Variants in UGT1A5 observed in about 807,000 individuals in gnomAD.
The protein encoded by UGT1A5 is UDP-glucuronosyltransferase 1A5.
Under a neutral mutation model 40.3 loss-of-function variants are expected in UGT1A5, and 29 were observed. That is an observed-to-expected ratio of 0.72 (90% confidence interval 0.54 to 0.98). The LOEUF (loss-of-function observed/expected upper bound fraction) is 0.98. Among genes scored for constraint, UGT1A5 ranks in the 50% least tolerant of loss-of-function variants. UGT1A5 has a pLI of 0.00. For synonymous variants in UGT1A5, 257 were observed against 262.5 expected (o/e 0.98, Z 0.20); for missense variants, 678 against 677.9 (o/e 1.00, Z 0.00).
At chr2:233,772,184 TA>T (rs2126065808) in intron 4 of UGT1A5, 77 bp from the exon 5 acceptor site, 1 of 1,591,636 alleles carries the variant, frequency 6.3e-7, no homozygotes, top group Admixed American at 1.8e-5. Context: ...GTAGTCTTCT[TA>T]AGCAGCCATG....
At chr2:233,770,172 C>T (rs1423898703) in intron 4 of UGT1A5, 4 of 152,218 alleles carry the variant, frequency 2.6e-5, no homozygotes, top group African/African-American at 9.7e-5. Flanking sequence ...TCAATGAGCT[C>T]AACTTATTAA....
At chr2:233,724,191 T>C (rs1269931641) in intron 1 of UGT1A5, among the ~76,000 whole-genome samples, 4 of 105,204 alleles carry the variant, frequency 3.8e-5, no homozygotes, top group South Asian at 3.6e-4. Flanking sequence ...CCGGACGGGG[T>C]GGCTGGCCGG....
intron 1 of UGT1A5, among the ~76,000 whole-genome samples, chr2:233,724,618 G>C (rs1325870277): frequency 7.3e-6 from 1 of 137,158 alleles, no homozygotes; most frequent in Non-Finnish European, 1.6e-5. Context: ...GGGCAGAGAC[G>C]CTCCTCACTT....
intron 1 of UGT1A5, chr2:233,718,649 C>A: frequency 6.7e-7 from 1 of 1,503,052 alleles, no homozygotes; most frequent in South Asian, 1.3e-5. Flanking sequence ...GGGCCCATAA[C>A]GAAAGGCAGT....
intron 1 of UGT1A5, among the ~76,000 whole-genome samples, chr2:233,719,879 C>A (rs573880021): frequency 1.3e-5 from 2 of 152,076 alleles, no homozygotes; most frequent in Non-Finnish European, 2.9e-5. Flanking sequence ...AGAAGAGGCA[C>A]GGATGAGGGT....
At chr2:233,729,454 T>C (rs758737792) in intron 1 of UGT1A5, 3 of 1,614,042 alleles carry the variant, frequency 1.9e-6, no homozygotes, top group Non-Finnish European at 2.5e-6. Flanking sequence ...TCTGAAGAAA[T>C]TTTTCAGAAG....
intron 1 of UGT1A5, chr2:233,719,293 G>A (rs149433426): frequency 1.9e-6 from 3 of 1,613,970 alleles, no homozygotes; most frequent in Middle Eastern, 1.7e-4. Context: ...AACCTCTGTG[G>A]GGCGGTGCTG....
chr2:233,724,896 C>T lies in UGT1A5; in HGVS notation c.867+11038C>T, dbSNP rs1575557571. 1.5e-5 allele frequency among the ~76,000 whole-genome samples: 2 copies of T among 137,598 alleles called. 1 individual carries two copies. The highest frequency in any genetic ancestry group is 4.4e-4 in the East Asian group (2 of 4,596). The allele number at this position is 137,598 out of a possible 152,430, so 90.3% of individuals were successfully genotyped here. A position where few individuals can be genotyped will look rare whatever the true frequency, so the allele number is the denominator to read the frequency against. On this transcript the variant is annotated intron_variant, in intron 1 of 4. Coordinates refer to ENST00000373414, the MANE Select transcript of UGT1A5 (RefSeq NM_019078.2). ...GAGCGGAGATCACGCCACTGCACTC[C>T]AGCCTGGGCACCATTGAGCACTGAG...
intron 1 of UGT1A5, chr2:233,756,150 C>G (rs1696134000): frequency 6.6e-6 from 1 of 152,108 alleles, no homozygotes; most frequent in Non-Finnish European, 1.5e-5. Flanking sequence ...CTGGGGATCC[C>G]TAGGATTTCC....
At chr2:233,747,007 G>A (rs1207556963) in intron 1 of UGT1A5, among the ~76,000 whole-genome samples, 1 of 151,856 alleles carries the variant, frequency 6.6e-6, no homozygotes, top group Non-Finnish European at 1.5e-5. Context: ...TTTCAAGTAG[G>A]AGTGATCGGT....
intron 1 of UGT1A5, among the ~76,000 whole-genome samples, chr2:233,716,212 C>A (rs1384264157): frequency 6.6e-6 from 1 of 152,184 alleles, no homozygotes; most frequent in African/African-American, 2.4e-5. Flanking sequence ...CTTTCACTTG[C>A]AAGAGCCCTT....
chr2:233,757,975 AG>A (rs1275184498), intron 1 of UGT1A5, among the ~76,000 whole-genome samples: 1 of 152,126 alleles, frequency 6.6e-6, no homozygotes, highest in Non-Finnish European at 1.5e-5. Flanking sequence ...CTCAGCCCCT[AG>A]AGCACCATCC....
chr2:233,744,031 A>G, intron 1 of UGT1A5: 1 of 839,512 alleles, frequency 1.2e-6, no homozygotes. Flanking sequence ...GACGCCCCTT[A>G]TGACGCAGCC....
chr2:233,737,523 G>A (rs890594707), intron 1 of UGT1A5, among the ~76,000 whole-genome samples: 3 of 152,158 alleles, frequency 2.0e-5, no homozygotes, highest in Non-Finnish European at 4.4e-5. Context: ...TAGGTGAGGC[G>A]ACGCCCTGCC....
chr2:233,719,363 C>T (rs569317540), intron 1 of UGT1A5: 1 of 1,613,942 alleles, frequency 6.2e-7, no homozygotes, highest in Non-Finnish European at 8.5e-7. Context: ...GTGACTTAGA[C>T]TTTAAGGGCA....
At chr2:233,724,684 G>A (rs1018251695) in intron 1 of UGT1A5, among the ~76,000 whole-genome samples, 5 of 144,476 alleles carry the variant, frequency 3.5e-5, no homozygotes, top group Non-Finnish European at 6.0e-5. Context: ...ATGGGATGGC[G>A]GCCGGGTGAA....
At chr2:233,738,215 A>G (rs927290766) in intron 1 of UGT1A5, among the ~76,000 whole-genome samples, 4 of 152,078 alleles carry the variant, frequency 2.6e-5, no homozygotes, top group African/African-American at 9.7e-5. Context: ...TGCCAGGATT[A>G]TAAGTTTCCT....
At chr2:233,754,136 G>C in intron 1 of UGT1A5, among the ~76,000 whole-genome samples, 1 of 152,154 alleles carries the variant, frequency 6.6e-6, no homozygotes, top group Non-Finnish European at 1.5e-5. Flanking sequence ...GCAATTAAAA[G>C]CCATCATTAA....
intron 1 of UGT1A5, among the ~76,000 whole-genome samples, chr2:233,728,649 T>C (rs1297115247): frequency 6.6e-6 from 1 of 152,186 alleles, no homozygotes; most frequent in Non-Finnish European, 1.5e-5. Flanking sequence ...GTATGGTTTT[T>C]GGATGCGCTG....
Sources: gnomAD v4.1 joint callset for allele counts (sites outside exome capture counted in the v4.1 genomes callset) on GRCh38, gnomAD v4.1.1 for gene constraint, MANE v1.5 for transcripts, NCBI Gene and HGNC (gene_info 2026-07-23, HGNC 2026-07-21) for gene names.